The following PAPPA2 variants were observed in gnomAD, a reference collection of about 807,000 sequenced individuals.
The protein encoded by PAPPA2 is pappalysin 2.
A neutral mutation model predicts 176.4 loss-of-function variants in PAPPA2; 86 were observed. The ratio of observed to expected loss-of-function variants is 0.49; its 90% confidence interval spans 0.41 to 0.58. PAPPA2 has a LOEUF of 0.58. Among genes scored for constraint, PAPPA2 ranks in the 20% least tolerant of loss-of-function variants. PAPPA2 has a pLI of 0.00. For missense variants in PAPPA2, 2,073 were observed against 2,256.9 expected (o/e 0.92, Z 1.65); for synonymous variants, 809 against 852.2 (o/e 0.95, Z 0.88).
intron 14 of PAPPA2, among the ~76,000 whole-genome samples, chr1:176,745,607 A>G (rs1165434805): frequency 6.6e-6 from 1 of 152,236 alleles, no homozygotes. Flanking sequence ...GGAATTAACT[A>G]CTAAAGGGCA....
At chr1:176,502,396 T>C (rs1264135644) in intron 1 of PAPPA2, among the ~76,000 whole-genome samples, 2 of 152,212 alleles carry the variant, frequency 1.3e-5, no homozygotes, top group Non-Finnish European at 2.9e-5. Context: ...ACTTATTCTA[T>C]CTAAAACTTT....
intron 6 of PAPPA2, 87 bp downstream of exon 6, chr1:176,692,405 A>T (rs766934975): frequency 1.3e-5 from 17 of 1,341,114 alleles, no homozygotes; most frequent in Admixed American, 7.9e-5. Flanking sequence ...ATCCAGGGGA[A>T]CTCCAATTTG....
rs545913267 is a variant in PAPPA2, at chr1:176,496,068, TAGG to T, written c.-917+32655_-917+32657del. On this transcript the variant is annotated intron_variant, in intron 1 of 22. Transcript: ENST00000367662. ...AAATATATTCAGGCTATGACAATGTTAGGAGGATTATTACAACTTTTTTAAATT... is the reference window on the plus strand; with the variant it reads ...AAATATATTCAGGCTATGACAATGTTAGGATTATTACAACTTTTTTAAATT... Among the ~76,000 whole-genome samples, 48 of 152,308 alleles carry T rather than the reference TAGG, an allele frequency of 3.2e-4. 1 individual carries two copies. In the South Asian group the frequency reaches 3.9e-3, roughly 12 times the overall value.
chr1:176,611,521 T>C (rs1473780498), intron 3 of PAPPA2, among the ~76,000 whole-genome samples: 1 of 152,242 alleles, frequency 6.6e-6, no homozygotes, highest in Non-Finnish European at 1.5e-5. Context: ...GGAAAAGTCA[T>C]CATCCCTAAT....
At chr1:176,791,248 C>G in intron 18 of PAPPA2, 99 bp from the exon 19 acceptor site, 1 of 651,884 alleles carries the variant, frequency 1.5e-6, no homozygotes. Context: ...GGTCCAGGTT[C>G]TAGAACTGGA....
rs564035774 is a variant in PAPPA2 at position 176,709,575 on chromosome 1, G to A, written c.3458-408G>A. 3.9e-5 allele frequency among the ~76,000 whole-genome samples: 6 copies of A among 152,270 alleles called. No individual in the cohort carries two copies. In the South Asian group the frequency reaches 1.2e-3, roughly 32 times the overall value. On this transcript the variant is annotated intron_variant, in intron 10 of 22. Transcript: ENST00000367662. ...AAAACTATGAAAAAGATTCAAATAT[G>A]TAATACCTGATAGGATTTATTTAGA...
chr1:176,524,601 A>G (rs1434294781), intron 1 of PAPPA2, among the ~76,000 whole-genome samples: 1 of 152,212 alleles, frequency 6.6e-6, no homozygotes, highest in African/African-American at 2.4e-5. Flanking sequence ...GTATGACACT[A>G]TCTTCTTTTA....
intron 1 of PAPPA2, among the ~76,000 whole-genome samples, chr1:176,486,838 C>T (rs573552158): frequency 6.6e-6 from 1 of 152,030 alleles, no homozygotes; most frequent in African/African-American, 2.4e-5. Context: ...TTGGAGAGCC[C>T]GTGAGGACTT....
rs374839232 is a variant in PAPPA2, at chr1:176,713,576, C to T, written c.3798+1595C>T. ...GTTTAGCTACCAGTGAGCTTCCTTT[C>T]CTGTCATTTTCAAAACTAGGCTGGG... is the stretch of plus-strand genomic sequence containing the variant. On this transcript the variant is annotated intron_variant, in intron 12 of 22. Coordinates refer to ENST00000367662, the MANE Select transcript of PAPPA2 (RefSeq NM_020318.3). Among the ~76,000 whole-genome samples, 25 of 152,312 alleles carry T rather than the reference C, an allele frequency of 1.6e-4. No individual in the cohort carries two copies. In the East Asian group the frequency reaches 3.9e-3, roughly 23 times the overall value.
chr1:176,660,955 C>T (rs1658325776), intron 3 of PAPPA2, among the ~76,000 whole-genome samples: 1 of 152,008 alleles, frequency 6.6e-6, no homozygotes, highest in Non-Finnish European at 1.5e-5. Context: ...AGTCTTTAGC[C>T]TCCTTACACC....
intron 21 of PAPPA2, among the ~76,000 whole-genome samples, chr1:176,808,538 A>C (rs932738880): frequency 6.6e-6 from 1 of 152,218 alleles, no homozygotes; most frequent in East Asian, 1.9e-4. Context: ...AGCCAGAAAA[A>C]GGTGAATTGT....
chr1:176,674,198 C>T (rs1311964252), intron 4 of PAPPA2, among the ~76,000 whole-genome samples: 3 of 152,060 alleles, frequency 2.0e-5, no homozygotes, highest in African/African-American at 7.2e-5. Context: ...GAGACACCCT[C>T]TGTGCAAGGG....
At chr1:176,561,248 C>A (rs1651651173) in intron 2 of PAPPA2, among the ~76,000 whole-genome samples, 1 of 152,034 alleles carries the variant, frequency 6.6e-6, no homozygotes, top group Admixed American at 6.5e-5. Flanking sequence ...GAAAAAAGCT[C>A]CAAAAAATGA....
chr1:176,558,714 AT>A (rs1175434221), intron 2 of PAPPA2, among the ~76,000 whole-genome samples: 1 of 152,020 alleles, frequency 6.6e-6, no homozygotes, highest in Non-Finnish European at 1.5e-5. Flanking sequence ...CAGCTCCACA[AT>A]TTCTCCCAGA....
intron 4 of PAPPA2, among the ~76,000 whole-genome samples, chr1:176,687,621 T>C (rs771951098): frequency 4.6e-5 from 7 of 152,206 alleles, no homozygotes; most frequent in Non-Finnish European, 1.0e-4. Flanking sequence ...CATCTATATT[T>C]TCTTTATCTA....
Position 176,547,522 on chromosome 1 carries a change from A to G in PAPPA2, c.-916-7885A>G, listed in dbSNP as rs114698027. On this transcript the variant is annotated intron_variant, in intron 1 of 22. Transcript: ENST00000367662. ...TTGGTTGTCATGACTTACTTTGGCC[A>G]ATAGAAAACAGGTAGCAATGACCTG... 1.7e-3 allele frequency among the ~76,000 whole-genome samples: 255 copies of G among 152,324 alleles called. 2 individuals carry two copies. Among genetic ancestry groups the G allele is most frequent in the African/African-American group, 5.9e-3 (245 of 41,572 alleles).
At chr1:176,789,652 G>A (rs763231760) in intron 17 of PAPPA2, among the ~76,000 whole-genome samples, 157 bp from the exon 18 acceptor site, 1 of 152,150 alleles carries the variant, frequency 6.6e-6, no homozygotes, top group Non-Finnish European at 1.5e-5. Context: ...TTAGTTCCAT[G>A]ATTTAGAAAT....
chr1:176,624,154 C>G (rs953319322), intron 3 of PAPPA2, among the ~76,000 whole-genome samples: 2 of 152,064 alleles, frequency 1.3e-5, no homozygotes, highest in South Asian at 4.2e-4. Context: ...CCTAAGGGAC[C>G]AGGTTTTTGT....
At chr1:176,662,537 C>T (rs1658413653) in intron 3 of PAPPA2, among the ~76,000 whole-genome samples, 1 of 151,152 alleles carries the variant, frequency 6.6e-6, no homozygotes, top group Non-Finnish European at 1.5e-5. Context: ...TCATTCTTTG[C>T]ACTTTTTCAT....
Sources: gnomAD v4.1 joint callset for allele counts (sites outside exome capture counted in the v4.1 genomes callset) on GRCh38, gnomAD v4.1.1 for gene constraint, MANE v1.5 for transcripts, NCBI Gene and HGNC (gene_info 2026-07-23, HGNC 2026-07-21) for gene names.